RBM19: variants seen among roughly 807,000 people sequenced by gnomAD.
RBM19 encodes the protein probable RNA-binding protein 19.
Under a neutral mutation model 116.8 loss-of-function variants are expected in RBM19, and 94 were observed. That is an observed-to-expected ratio of 0.80 (90% CI 0.68 to 0.95). The LOEUF (loss-of-function observed/expected upper bound fraction) is 0.95, where lower values mean the gene tolerates loss of function less well. Ranked by LOEUF, RBM19 falls within the 40% of genes least tolerant of loss-of-function variation. The pLI, the probability that RBM19 is intolerant of heterozygous loss-of-function variation, is 0.00. For missense variants in RBM19, 1,161 were observed against 1,220.7 expected, an observed-to-expected ratio of 0.95 and a Z score of 0.73; for synonymous variants, 475 against 494.1, an observed-to-expected ratio of 0.96 and a Z score of 0.51.
intron 16 of RBM19, among the ~76,000 whole-genome samples, chr12:113,930,653 T>A (rs1035874104): frequency 6.6e-6 from 1 of 152,228 alleles, no homozygotes; most frequent in Non-Finnish European, 1.5e-5. Flanking sequence ...CCAGCTTAAA[T>A]GAAAGATGTG....
At chr12:113,936,354 C>T (rs1870062441) in intron 16 of RBM19, among the ~76,000 whole-genome samples, 1 of 152,202 alleles carries the variant, frequency 6.6e-6, no homozygotes. Context: ...GCGGGGGATA[C>T]ACTGCCCGCT....
intron 21 of RBM19, among the ~76,000 whole-genome samples, chr12:113,859,797 G>A (rs1593494723): frequency 6.6e-6 from 1 of 152,196 alleles, no homozygotes; most frequent in East Asian, 1.9e-4. Flanking sequence ...CATCTGAAGA[G>A]AGGTATTATT....
chr12:113,890,969 A>T (rs1183812281), intron 21 of RBM19, among the ~76,000 whole-genome samples: 1 of 144,784 alleles, frequency 6.9e-6, no homozygotes. Flanking sequence ...TAATATTTCA[A>T]TTTTTTTTTT....
At chr12:113,908,573 C>CAAAAAAAAAAAAAAAA (rs11338829) in intron 21 of RBM19, among the ~76,000 whole-genome samples, 14 of 33,222 alleles carry the variant, frequency 4.2e-4, no homozygotes, top group Non-Finnish European at 6.3e-4. Flanking sequence ...AAGAAAATAG[C>CAAAAAAAAAAAAAAAA]AAAAAAAAAA....
At chr12:113,928,364 AC>A (rs1488120444) in intron 16 of RBM19, among the ~76,000 whole-genome samples, 2 of 151,248 alleles carry the variant, frequency 1.3e-5, no homozygotes, top group African/African-American at 4.9e-5. Context: ...AACAACAACA[AC>A]AACAACAACA....
intron 21 of RBM19, among the ~76,000 whole-genome samples, chr12:113,866,456 AG>A (rs1438811955): frequency 1.3e-5 from 2 of 152,202 alleles, no homozygotes; most frequent in Non-Finnish European, 2.9e-5. Flanking sequence ...AATCAGAGTC[AG>A]GGCCTGCGTT....
At chr12:113,838,791 T>C (rs1402821850) in intron 23 of RBM19, among the ~76,000 whole-genome samples, 1 of 152,178 alleles carries the variant, frequency 6.6e-6, no homozygotes, top group Non-Finnish European at 1.5e-5. Context: ...CCAGGGAAGA[T>C]GAGGCCAGTC....
intron 23 of RBM19, 84 bp downstream of exon 23, chr12:113,844,584 G>A: frequency 6.6e-7 from 1 of 1,509,366 alleles, no homozygotes; most frequent in Admixed American, 2.0e-5. Flanking sequence ...GCTGGGTCGA[G>A]GGCAGTTCTC....
rs373986450 is a variant in RBM19 at position 113,823,181 on chromosome 12, C to T, written c.*43G>A. The T allele has an allele frequency of 5.7e-5, 89 of 1,569,536 alleles. 2 individuals carry two copies. In the South Asian group the frequency reaches 6.8e-4, roughly 12 times the overall value. ...AGTGCAGAAGCTGGAGCGGCTGTCC[C>T]GGTCCCCAGGGCCCCGGAGCCACAC... On this transcript the variant is annotated 3_prime_UTR_variant, in exon 24 of 24. Transcript: ENST00000261741.
At chr12:113,830,087 C>A (rs1033766270) in intron 23 of RBM19, among the ~76,000 whole-genome samples, 1 of 152,220 alleles carries the variant, frequency 6.6e-6, no homozygotes, top group South Asian at 2.1e-4. Context: ...GGACCTTGAG[C>A]TCAGATAGGG....
chr12:113,820,678 C>T (rs576681862), downstream of RBM19, among the ~76,000 whole-genome samples: 1 of 152,136 alleles, frequency 6.6e-6, no homozygotes, highest in East Asian at 1.9e-4. Flanking sequence ...TGAAGGGGCA[C>T]CCTGAGATCT....
At chr12:113,923,690 G>A (rs569050607) in intron 18 of RBM19, among the ~76,000 whole-genome samples, 1 of 152,146 alleles carries the variant, frequency 6.6e-6, no homozygotes, top group Non-Finnish European at 1.5e-5. Context: ...CCTTGTTCCC[G>A]CCGCCTGGCT....
Position 113,957,777 on chromosome 12 carries a change from C to CGTGT in RBM19, c.840+4_840+5insACAC. The CGTGT allele has an allele frequency of 6.4e-7, 1 of 1,572,260 alleles. No homozygotes were observed. The highest frequency in any genetic ancestry group is 8.6e-7 in the Non-Finnish European group (1 of 1,157,988). ...TCCCTCATCACCTGCGGGATACACA[C>CGTGT]GCACCTCGGCTCTGGCCTCCGGTGG... is the stretch of plus-strand genomic sequence containing the variant. On this transcript the variant is annotated splice_donor_region_variant and intron_variant, in intron 6 of 23. Transcript: ENST00000261741.
chr12:113,930,354 TGGTCTATGA>T (rs1869497700), intron 16 of RBM19, among the ~76,000 whole-genome samples: 1 of 152,188 alleles, frequency 6.6e-6, no homozygotes, highest in Non-Finnish European at 1.5e-5. Context: ...CCTGCCTCCC[TGGTCTATGA>T]GCAGTGGCTG....
chr12:113,944,886 T>C (rs114231367), intron 13 of RBM19, among the ~76,000 whole-genome samples: 1,604 of 151,714 alleles, frequency 0.011, 1 homozygote, highest in African/African-American at 0.037. Flanking sequence ...TATACACATT[T>C]ATATACATAT....
Position 113,920,803 on chromosome 12 carries a change from C to T in RBM19, c.2306-113G>A, listed in dbSNP as rs947938887. 4.6e-6 allele frequency: 4 copies of T among 878,378 alleles called. No homozygotes were observed. In the African/African-American group the frequency reaches 5.1e-5, roughly 11 times the overall value. The allele number at this position is 878,378 out of a possible 1,614,324, so 54.4% of individuals were successfully genotyped here. On this transcript the variant is annotated intron_variant, in intron 18 of 23. Transcript: ENST00000261741. ...GCTGTATTTCCTCTTCTTTTCATAC[C>T]CCCTTCATTCCCCCCAAAAATCTCA...
rs375007299 is a variant in RBM19, at chr12:113,949,001, C to T, written c.1108G>A (p.Val370Ile). 73 of 1,614,144 alleles carry T rather than the reference C, an allele frequency of 4.5e-5. No individual in the cohort carries two copies. The highest frequency in any genetic ancestry group is 4.2e-4 in the East Asian group (19 of 44,888). ...TTTGGTGCACCCTTGGTGGTGGGGA[C>T]GTTCTTTTCCCTGAACACCTCGATG... ...RYIEVFREKNVPTTKGAPKNT... is the reference protein window; with the variant it reads ...RYIEVFREKNIPTTKGAPKNT... The change falls in exon 10 of 24, where the codon GTC (valine) becomes ATC (isoleucine). Residue 370 changes from valine to isoleucine, a missense_variant. Transcript: ENST00000261741.
chr12:113,959,425 G>A (rs201265975), intron 4 of RBM19, 21 bp from the exon 5 acceptor site: 2 of 1,592,752 alleles, frequency 1.3e-6, no homozygotes, highest in East Asian at 2.3e-5. Context: ...CAGAACCCGG[G>A]CGGCAGGGAC....
intron 22 of RBM19, among the ~76,000 whole-genome samples, chr12:113,856,982 T>C (rs1425611565): frequency 6.6e-6 from 1 of 152,262 alleles, no homozygotes; most frequent in Non-Finnish European, 1.5e-5. Context: ...TCAGGCAGTC[T>C]GGCTTTGAAG....
Sources: gnomAD v4.1 joint callset for allele counts (sites outside exome capture counted in the v4.1 genomes callset) on GRCh38, gnomAD v4.1.1 for gene constraint, MANE v1.5 for transcripts, NCBI Gene and HGNC (gene_info 2026-07-23, HGNC 2026-07-21) for gene names.